Variants in FRAS1 observed in about 807,000 individuals in gnomAD.
FRAS1 encodes extracellular matrix organizing protein FRAS1.
Under a neutral mutation model 435.2 loss-of-function variants are expected in FRAS1, and 290 were observed. The ratio of observed to expected loss-of-function variants is 0.67; its 90% CI spans 0.61 to 0.73. The LOEUF is 0.73. Ranked by LOEUF, FRAS1 falls within the 30% of genes least tolerant of loss-of-function variation. FRAS1 has a pLI of 0.00. For missense variants in FRAS1, 4,860 were observed against 5,001.5 expected (o/e 0.97, Z 0.85); for synonymous variants, 1,800 against 1,851.0 (o/e 0.97, Z 0.71).
At chr4:78,105,898 G>A (rs1273775253) in intron 2 of FRAS1, among the ~76,000 whole-genome samples, 1 of 136,574 alleles carries the variant, frequency 7.3e-6, no homozygotes, top group Non-Finnish European at 1.6e-5. Flanking sequence ...CGCGCACCGT[G>A]CGCGAGCCGA....
chr4:78,128,897 T>G (rs28671092), intron 2 of FRAS1, among the ~76,000 whole-genome samples: 25,629 of 152,182 alleles, frequency 0.17, 2,342 homozygotes, highest in Admixed American at 0.21. Flanking sequence ...GGTCTACCAT[T>G]TAAGTCTTTA....
chr4:78,193,746 T>C, intron 2 of FRAS1, among the ~76,000 whole-genome samples: 1 of 152,232 alleles, frequency 6.6e-6, no homozygotes, highest in Non-Finnish European at 1.5e-5. Context: ...CTGTGTCTTT[T>C]AATTGGAGCA....
At chr4:78,288,511 G>A (rs1727726233) in intron 14 of FRAS1, among the ~76,000 whole-genome samples, 1 of 152,164 alleles carries the variant, frequency 6.6e-6, no homozygotes, top group South Asian at 2.1e-4. Context: ...AATGGGTAAT[G>A]TTTCATTTGA....
At chr4:78,118,222 A>T (rs1461033346) in intron 2 of FRAS1, among the ~76,000 whole-genome samples, 1 of 152,088 alleles carries the variant, frequency 6.6e-6, no homozygotes, top group Non-Finnish European at 1.5e-5. Flanking sequence ...CGGCCATGTG[A>T]GGTGTCAGTC....
chr4:78,445,427 T>C (rs1197375776), intron 41 of FRAS1, 95 bp from the exon 42 acceptor site: 1 of 1,415,138 alleles, frequency 7.1e-7, no homozygotes, highest in East Asian at 2.4e-5. Flanking sequence ...ACATTTTCTT[T>C]TTTTTTGCCG....
intron 9 of FRAS1, among the ~76,000 whole-genome samples, chr4:78,269,621 T>C (rs767375849): frequency 1.3e-5 from 2 of 152,238 alleles, no homozygotes; most frequent in Admixed American, 6.5e-5. Context: ...GTTTTTGTTG[T>C]TGTTAAAAAA....
intron 18 of FRAS1, among the ~76,000 whole-genome samples, chr4:78,320,200 C>T (rs1158941091): frequency 2.6e-5 from 4 of 152,182 alleles, no homozygotes; most frequent in Non-Finnish European, 5.9e-5. Context: ...CTGGTTTCTA[C>T]CCATGTATGC....
At chr4:78,143,720 A>ACC (rs567842064) in intron 2 of FRAS1, among the ~76,000 whole-genome samples, 23 of 149,686 alleles carry the variant, frequency 1.5e-4, no homozygotes, top group African/African-American at 4.4e-4. Flanking sequence ...ACATGATGAG[A>ACC]CCCTGTCTCT....
In FRAS1 at chr4:78,278,679, G is replaced by A. The variant is rs1376565191; in HGVS notation, c.1006G>A (p.Gly336Arg). The A allele has an allele frequency of 6.2e-7, 1 of 1,603,478 alleles. No individual in the cohort carries two copies. The highest frequency in any genetic ancestry group is 1.7e-5 in the Admixed American group (1 of 59,916). ...ARDEELIHLD[G>R]KCCPECISRN... Reference sequence around the variant, plus strand: ...GGATGAAGAATTAATTCACTTAGATGGAAAGTGTTGTCCTGAATGCATTTC... The same window carrying A: ...GGATGAAGAATTAATTCACTTAGATAGAAAGTGTTGTCCTGAATGCATTTC... Residue 336 changes from glycine to arginine, a missense_variant, in exon 10 of 74, where the codon GGA (glycine) becomes AGA (arginine). Transcript: ENST00000512123.
At chr4:78,459,255 C>G (rs1421026060) in intron 47 of FRAS1, among the ~76,000 whole-genome samples, 1 of 152,224 alleles carries the variant, frequency 6.6e-6, no homozygotes, top group Non-Finnish European at 1.5e-5. Flanking sequence ...CCCTCTTTTC[C>G]TCCCTGCCTT....
At chr4:78,517,984 G>A (rs7696362) in intron 66 of FRAS1, among the ~76,000 whole-genome samples, 47,465 of 151,828 alleles carry the variant, frequency 0.31, 7,893 homozygotes, top group South Asian at 0.52. Context: ...GGGAACAGTG[G>A]CTCATACCTG....
In FRAS1 at chr4:78,438,579, TCCCCCGA is replaced by T; in HGVS notation, c.5231_5237del (p.Pro1744GlnfsTer7). 6.2e-7 allele frequency: 1 copy of T among 1,613,830 alleles called. No homozygotes were observed. The highest frequency in any genetic ancestry group is 8.5e-7 in the Non-Finnish European group (1 of 1,179,794). ...ATGTTTGCCTCATTAGGATGATTCT[TCCCCCGA>T]CCCAGAGATCTGGATTCAGTTAAAT... On this transcript the variant is annotated frameshift_variant, in exon 39 of 74. Coordinates refer to ENST00000512123, the MANE Select transcript of FRAS1 (RefSeq NM_025074.7). LOFTEE classifies it high-confidence loss of function.
At chr4:78,096,503 C>T (rs1214148422) in intron 2 of FRAS1, among the ~76,000 whole-genome samples, 1 of 152,224 alleles carries the variant, frequency 6.6e-6, no homozygotes, top group African/African-American at 2.4e-5. Flanking sequence ...AGCCCTGCCC[C>T]TGCAGCAAAC....
At chr4:78,260,589 TAAG>T (rs1323039969) in intron 6 of FRAS1, among the ~76,000 whole-genome samples, 4 of 151,910 alleles carry the variant, frequency 2.6e-5, no homozygotes, top group Non-Finnish European at 5.9e-5. Context: ...CTTATCAGCT[TAAG>T]GAGATTTTGG....
chr4:78,435,096 A>T (rs1257484547), intron 38 of FRAS1, among the ~76,000 whole-genome samples: 1 of 152,124 alleles, frequency 6.6e-6, no homozygotes, highest in Non-Finnish European at 1.5e-5. Context: ...GTCTCTACAA[A>T]AATACAAAAA....
At chr4:78,454,200 A>G (rs1719115865) in intron 47 of FRAS1, among the ~76,000 whole-genome samples, 1 of 151,684 alleles carries the variant, frequency 6.6e-6, no homozygotes, top group Non-Finnish European at 1.5e-5. Flanking sequence ...GACATTCCAG[A>G]CAGAGGGATC....
At chr4:78,145,556 A>G (rs1720381976) in intron 2 of FRAS1, among the ~76,000 whole-genome samples, 1 of 152,158 alleles carries the variant, frequency 6.6e-6, no homozygotes, top group Non-Finnish European at 1.5e-5. Context: ...AGAGAACCTA[A>G]CTGAGCTATG....
intron 5 of FRAS1, among the ~76,000 whole-genome samples, chr4:78,253,121 T>C (rs1324237181): frequency 6.6e-6 from 1 of 152,138 alleles, no homozygotes; most frequent in Non-Finnish European, 1.5e-5. Flanking sequence ...CCCCCAGGAA[T>C]GCATTCCTTC....
chr4:78,276,015 T>A (rs1353177966), intron 9 of FRAS1, among the ~76,000 whole-genome samples: 2 of 152,228 alleles, frequency 1.3e-5, no homozygotes, highest in Non-Finnish European at 1.5e-5. Context: ...TGTTCATTTC[T>A]TTTTATTCTT....
Sources: allele counts gnomAD v4.1 joint callset (sites outside exome capture counted in the v4.1 genomes callset), GRCh38; gene constraint gnomAD v4.1.1; transcripts MANE v1.5; gene names NCBI Gene and HGNC (gene_info 2026-07-23, HGNC 2026-07-21).